The following SNAP47 variants were observed in gnomAD, a reference collection of about 807,000 sequenced individuals.
SNAP47 encodes the protein synaptosomal-associated protein 47.
In SNAP47, 20 loss-of-function variants were observed where a neutral mutation model predicts 31.4. The ratio of observed to expected loss-of-function variants is 0.64; its 90% CI spans 0.45 to 0.93. The LOEUF (loss-of-function observed/expected upper bound fraction) is 0.93. SNAP47 is among the 40% of genes least tolerant of loss of function. SNAP47 has a pLI of 0.00. For missense variants in SNAP47, 492 were observed against 528.5 expected (o/e 0.93, Z 0.68); for synonymous variants, 194 against 213.4 (o/e 0.91, Z 0.79).
chr1:227,733,034 G>A (rs371499677), upstream of SNAP47: 79 of 1,613,364 alleles, frequency 4.9e-5, 1 homozygote, highest in African/African-American at 7.9e-4. Context: ...CATCCTGGAA[G>A]GGGCACAGTG....
Position 227,762,440 on chromosome 1 carries a change from G to C in SNAP47, c.988+2955G>C, listed in dbSNP as rs1248283406. 6.6e-6 allele frequency among the ~76,000 whole-genome samples: 1 copy of C among 152,184 alleles called. No individual in the cohort carries two copies. Among genetic ancestry groups the C allele is most frequent in the Admixed American group, 6.5e-5 (1 of 15,284 alleles). On this transcript the variant is annotated intron_variant, in intron 3 of 4. Transcript: ENST00000617596. The surrounding 1 kb of genome is among the most constrained non-coding windows in gnomAD (Gnocchi z 4.2). ...CTCTGAGGCCTTGCCTCTGCCTGCC[G>C]CCTGCTGCTGTTGTCCATGCGTAGG...
At chr1:227,757,762 G>T (rs1390127829) in intron 2 of SNAP47, among the ~76,000 whole-genome samples, 1 of 152,236 alleles carries the variant, frequency 6.6e-6, no homozygotes. Context: ...CTACAGTCAG[G>T]ATGGAAGGAA....
intron 2 of SNAP47, among the ~76,000 whole-genome samples, chr1:227,749,427 C>A (rs1203940097): frequency 6.6e-6 from 1 of 152,074 alleles, no homozygotes; most frequent in South Asian, 2.1e-4. Flanking sequence ...ATCTGGGAGC[C>A]GAGGATCTCC....
chr1:227,732,912 TC>T, upstream of SNAP47: 1 of 1,612,238 alleles, frequency 6.2e-7, no homozygotes, highest in Non-Finnish European at 8.5e-7. Context: ...GGGCATGGAG[TC>T]CCTCCACTCG....
At chr1:227,745,952 C>T (rs1308880845) in intron 1 of SNAP47, 1 of 152,264 alleles carries the variant, frequency 6.6e-6, no homozygotes, top group Non-Finnish European at 1.5e-5. Context: ...CCATCCACAT[C>T]CACCCAGTCT....
At chr1:227,732,828 T>C, upstream of SNAP47, 1 of 1,606,672 alleles carries the variant, frequency 6.2e-7, no homozygotes, top group Non-Finnish European at 8.5e-7. Context: ...GTCTGAGCCA[T>C]GCAGCCTAAA....
At chr1:227,749,534 C>T (rs1350784841) in intron 2 of SNAP47, among the ~76,000 whole-genome samples, 1 of 152,192 alleles carries the variant, frequency 6.6e-6, no homozygotes, top group East Asian at 1.9e-4. Context: ...CCCCATAGGG[C>T]TCTGGCACCC....
upstream of SNAP47, chr1:227,731,968 C>T (rs369104359): frequency 6.9e-4 from 149 of 216,744 alleles, no homozygotes; most frequent in African/African-American, 3.2e-3. Context: ...TTGCCCAGCA[C>T]TGCTCCAACC....
chr1:227,739,620 G>A (rs1661457863), intron 1 of SNAP47, among the ~76,000 whole-genome samples: 1 of 152,196 alleles, frequency 6.6e-6, no homozygotes, highest in African/African-American at 2.4e-5. Context: ...CTGTGACTGC[G>A]GAAATTAACT....
At position 227,747,703 on chromosome 1, in the gene SNAP47, G is replaced by T; in HGVS notation, c.-34G>T. The T allele has an allele frequency of 6.2e-7, 1 of 1,601,310 alleles. No individual in the cohort carries two copies. The highest frequency in any genetic ancestry group is 1.3e-5 in the African/African-American group (1 of 74,790). On this transcript the variant is annotated 5_prime_UTR_variant, in exon 2 of 5. Transcript: ENST00000617596. Reference sequence around the variant, plus strand: ...CTCTTCTCCTTCAGAGGCAGAAGAGGCCTGGACCTTGGCGCACACAGACCC... The same window carrying T: ...CTCTTCTCCTTCAGAGGCAGAAGAGTCCTGGACCTTGGCGCACACAGACCC...
At chr1:227,761,532 C>T (rs1372291282) in intron 3 of SNAP47, among the ~76,000 whole-genome samples, 1 of 152,196 alleles carries the variant, frequency 6.6e-6, no homozygotes, top group Non-Finnish European at 1.5e-5. Context: ...TCACCATGAG[C>T]TGCTGTCACT....
At position 227,748,216 on chromosome 1, in the gene SNAP47, C is replaced by T. The variant is rs1273154778; in HGVS notation, c.480C>T (p.Asp160=). 1.3e-6 allele frequency: 2 copies of T among 1,588,170 alleles called. No individual in the cohort carries two copies. Among genetic ancestry groups the T allele is most frequent in the East Asian group, 2.2e-5 (1 of 44,554 alleles). Residue 160 remains aspartate (D), a synonymous_variant, in exon 2 of 5, where the codon GAC becomes GAT. Transcript: ENST00000617596. Reference sequence around the variant, plus strand: ...GAGGCCTGGACAAGATGGAGTCAGACCTGGAGGTGGCGGACAGGTGGGCTT... The same window carrying T: ...GAGGCCTGGACAAGATGGAGTCAGATCTGGAGGTGGCGGACAGGTGGGCTT... ...VMRGLDKMES[D]LEVADRLLTE...
At chr1:227,751,168 G>A (rs1662323076) in intron 2 of SNAP47, among the ~76,000 whole-genome samples, 1 of 152,214 alleles carries the variant, frequency 6.6e-6, no homozygotes, top group Non-Finnish European at 1.5e-5. Flanking sequence ...ATTGTGCGGT[G>A]AAGAAGAGCC....
intron 4 of SNAP47, among the ~76,000 whole-genome samples, chr1:227,774,968 T>C (rs545974845): frequency 6.6e-6 from 1 of 152,312 alleles, no homozygotes; most frequent in Admixed American, 6.5e-5. Flanking sequence ...TGTGCACGCC[T>C]GGAGTGAGCT....
At chr1:227,733,856 C>G (rs371821657), upstream of SNAP47, 2 of 1,607,980 alleles carry the variant, frequency 1.2e-6, no homozygotes, top group Non-Finnish European at 1.7e-6. Flanking sequence ...CCTCCCAGTC[C>G]GTTCTGTCAC....
chr1:227,753,581 C>T (rs1033943196), intron 2 of SNAP47, among the ~76,000 whole-genome samples: 2 of 152,184 alleles, frequency 1.3e-5, no homozygotes, highest in African/African-American at 2.4e-5. Context: ...ATGCTTCCTT[C>T]TGAGAAGCGG....
intron 4 of SNAP47, among the ~76,000 whole-genome samples, chr1:227,767,618 A>G (rs189745994): frequency 6.6e-6 from 1 of 152,012 alleles, no homozygotes; most frequent in East Asian, 1.9e-4. Flanking sequence ...TGTTGCATGT[A>G]CTATGCATGT....
intron 1 of SNAP47, 121 bp downstream of exon 1, chr1:227,735,620 G>A (rs1436523785): frequency 6.0e-6 from 8 of 1,326,606 alleles, no homozygotes; most frequent in Non-Finnish European, 7.7e-6. Flanking sequence ...ATCCCCGGGG[G>A]GTGGGGGGTA....
At chr1:227,780,459 G>T in intron 4 of SNAP47, 68 bp from the exon 5 acceptor site, 1 of 1,597,266 alleles carries the variant, frequency 6.3e-7, no homozygotes, top group Non-Finnish European at 8.5e-7. Context: ...TGTGAGAGGG[G>T]GAGATGTTGT....
Sources: allele counts gnomAD v4.1 joint callset (sites outside exome capture counted in the v4.1 genomes callset), GRCh38; gene constraint gnomAD v4.1.1; non-coding constraint Gnocchi (gnomAD v3.1); transcripts MANE v1.5; gene names NCBI Gene and HGNC (gene_info 2026-07-23, HGNC 2026-07-21).